Variants in CNTNAP2 observed in about 807,000 individuals in gnomAD.
CNTNAP2 encodes the protein contactin associated protein 2, also known as contactin-associated protein-like 2.
Under a neutral mutation model 155.2 loss-of-function variants are expected in CNTNAP2, and 98 were observed. The ratio of observed to expected loss-of-function variants is 0.63; its 90% CI spans 0.54 to 0.75. The LOEUF (loss-of-function observed/expected upper bound fraction) is 0.75, where lower values mean the gene tolerates loss of function less well. Among genes scored for constraint, CNTNAP2 ranks in the 30% least tolerant of loss-of-function variants. The pLI is 0.00. For synonymous variants in CNTNAP2, 651 were observed against 631.2 expected (o/e 1.03, Z -0.47); for missense variants, 1,727 against 1,688.1 (o/e 1.02, Z -0.40).
intron 1 of CNTNAP2, among the ~76,000 whole-genome samples, chr7:146,177,842 C>G (rs990749353): frequency 6.6e-6 from 1 of 152,078 alleles, no homozygotes; most frequent in Admixed American, 6.6e-5. Context: ...TACTTTCCTA[C>G]ATAGAGAGTT....
chr7:147,780,383 T>C (rs1266790620), intron 13 of CNTNAP2, among the ~76,000 whole-genome samples: 1 of 152,224 alleles, frequency 6.6e-6, no homozygotes, highest in Non-Finnish European at 1.5e-5. Context: ...ACAAACCAAT[T>C]GTTAATTTAA....
intron 6 of CNTNAP2, 51 bp from the exon 7 acceptor site, chr7:147,128,642 G>C (rs1801285719): frequency 6.2e-7 from 1 of 1,605,492 alleles, no homozygotes; most frequent in African/African-American, 1.3e-5. Flanking sequence ...GTTTTGTCTA[G>C]TTCATCATAA....
intron 1 of CNTNAP2, among the ~76,000 whole-genome samples, chr7:146,293,729 G>A (rs1276467412): frequency 1.3e-5 from 2 of 151,542 alleles, no homozygotes; most frequent in African/African-American, 2.4e-5. Context: ...AATGCTCATT[G>A]GGTTTCTTTT....
chr7:147,309,924 GA>G (rs1348840802), intron 9 of CNTNAP2, among the ~76,000 whole-genome samples: 2 of 151,746 alleles, frequency 1.3e-5, no homozygotes, highest in Non-Finnish European at 2.9e-5. Flanking sequence ...ATATCAATGA[GA>G]AAAAAATTTT....
intron 18 of CNTNAP2, among the ~76,000 whole-genome samples, chr7:148,176,646 A>G (rs1281414019): frequency 1.3e-5 from 2 of 152,194 alleles, no homozygotes; most frequent in East Asian, 1.9e-4. Context: ...AGATAGCACA[A>G]GGGCGTTGTG....
intron 12 of CNTNAP2, among the ~76,000 whole-genome samples, chr7:147,583,899 G>T (rs189196172): frequency 6.6e-6 from 1 of 151,986 alleles, no homozygotes; most frequent in Admixed American, 6.6e-5. Flanking sequence ...AAGCCGAGAC[G>T]GTGGCATGGG....
At chr7:147,430,970 C>G (rs1280814031) in intron 10 of CNTNAP2, among the ~76,000 whole-genome samples, 2 of 151,720 alleles carry the variant, frequency 1.3e-5, no homozygotes, top group East Asian at 3.9e-4. Flanking sequence ...ATGGCGTGAA[C>G]CTGAGAGGCG....
At chr7:147,861,999 CA>C (rs57139075) in intron 13 of CNTNAP2, among the ~76,000 whole-genome samples, 4,382 of 94,710 alleles carry the variant, frequency 0.046, 103 homozygotes, top group African/African-American at 0.13. Context: ...CTCCATCTCA[CA>C]AAAAAAAAAA....
rs905342819 is a variant in CNTNAP2, at chr7:148,035,891, G to A, written c.2383+57902G>A. On this transcript the variant is annotated intron_variant, in intron 15 of 23. Transcript: ENST00000361727. ...CTTTGAGGGCCCAACCTCAACTCCA[G>A]TGTGTTCAGCACAAGAAGTCAAACT... Among the ~76,000 whole-genome samples the A allele has an allele frequency of 5.3e-5, 8 of 152,234 alleles. No individual in the cohort carries two copies. The South Asian group carries it at 1.2e-3, about 24-fold the overall frequency.
intron 16 of CNTNAP2, among the ~76,000 whole-genome samples, chr7:148,119,395 TGGCGGG>T (rs1047500491): frequency 7.4e-5 from 11 of 149,412 alleles, no homozygotes; most frequent in African/African-American, 2.7e-4. Flanking sequence ...CCAGGTGTGG[TGGCGGG>T]GGCGCCTGTA....
chr7:147,239,192 C>CT (rs1265037378), intron 8 of CNTNAP2, among the ~76,000 whole-genome samples: 1 of 151,950 alleles, frequency 6.6e-6, no homozygotes, highest in Non-Finnish European at 1.5e-5. Flanking sequence ...TGTTTTTGTA[C>CT]TTTTTTTGAG....
chr7:146,228,259 C>T (rs1002522532), intron 1 of CNTNAP2, among the ~76,000 whole-genome samples: 1 of 152,186 alleles, frequency 6.6e-6, no homozygotes, highest in African/African-American at 2.4e-5. Context: ...TAAACACTTT[C>T]ATTAGTGGCC....
chr7:148,077,999 A>T (rs1803525276), intron 15 of CNTNAP2, among the ~76,000 whole-genome samples: 1 of 152,236 alleles, frequency 6.6e-6, no homozygotes, highest in African/African-American at 2.4e-5. Flanking sequence ...AGAATATTAC[A>T]ATATTAATTT....
chr7:148,392,356 G>C (rs928538304), intron 22 of CNTNAP2, among the ~76,000 whole-genome samples: 2 of 151,996 alleles, frequency 1.3e-5, no homozygotes, highest in Non-Finnish European at 2.9e-5. Flanking sequence ...ACAGGCATGA[G>C]CCACTGCGCC....
chr7:146,558,721 C>T (rs1449687839), intron 1 of CNTNAP2, among the ~76,000 whole-genome samples: 2 of 152,138 alleles, frequency 1.3e-5, no homozygotes, highest in South Asian at 4.1e-4. Flanking sequence ...TCTTGGAAAA[C>T]CAAACTTTGT....
At chr7:147,346,525 C>T (rs1204926608) in intron 9 of CNTNAP2, among the ~76,000 whole-genome samples, 1 of 152,194 alleles carries the variant, frequency 6.6e-6, no homozygotes, top group East Asian at 1.9e-4. Context: ...TGGCTATATT[C>T]ATCAGTCATT....
intron 1 of CNTNAP2, among the ~76,000 whole-genome samples, chr7:146,167,822 A>G (rs1798334919): frequency 1.3e-5 from 2 of 152,272 alleles, no homozygotes; most frequent in Admixed American, 6.5e-5. Context: ...AAGTCTCACA[A>G]TAGGCCATCT....
intron 13 of CNTNAP2, among the ~76,000 whole-genome samples, chr7:147,849,262 T>A (rs946835341): frequency 6.6e-6 from 1 of 152,242 alleles, no homozygotes; most frequent in Non-Finnish European, 1.5e-5. Context: ...TAAATGACCA[T>A]GTGTTTCAAT....
At position 146,970,885 on chromosome 7, in the gene CNTNAP2, A is replaced by G. The variant is rs983396183; in HGVS notation, c.403-73022A>G. On this transcript the variant is annotated intron_variant, in intron 3 of 23. Transcript: ENST00000361727. ...ACCATGGAATACTATGCAGCCATAA[A>G]AAATGATGCGTTCATGTCCTTTGTA... is the stretch of plus-strand genomic sequence containing the variant. 7.2e-5 allele frequency among the ~76,000 whole-genome samples: 11 copies of G among 152,220 alleles called. 1 individual carries two copies. The highest frequency in any genetic ancestry group is 4.6e-4 in the Admixed American group (7 of 15,278).
Sources: allele counts gnomAD v4.1 joint callset (sites outside exome capture counted in the v4.1 genomes callset), GRCh38; gene constraint gnomAD v4.1.1; transcripts MANE v1.5; gene names NCBI Gene and HGNC (gene_info 2026-07-23, HGNC 2026-07-21).